The following PDE8B variants were observed in gnomAD, a reference collection of about 807,000 sequenced individuals.
The protein encoded by PDE8B is high affinity cAMP-specific and IBMX-insensitive 3',5'-cyclic phosphodiesterase 8B.
PDE8B carries 26 observed loss-of-function variants against 101.3 expected under a neutral mutation model. The observed-to-expected ratio is 0.26, with a 90% CI of 0.19 to 0.36. The LOEUF (loss-of-function observed/expected upper bound fraction) is 0.36, where lower values mean the gene tolerates loss of function less well. Ranked by LOEUF, PDE8B falls within the 10% of genes least tolerant of loss-of-function variation. The pLI is 1.00. For missense variants in PDE8B, 810 were observed against 1,163.1 expected (o/e 0.70, Z 4.42); for synonymous variants, 424 against 429.3 (o/e 0.99, Z 0.15).
At chr5:77,335,395 T>A (rs964409015) in intron 5 of PDE8B, among the ~76,000 whole-genome samples, 2 of 152,170 alleles carry the variant, frequency 1.3e-5, no homozygotes, top group Admixed American at 1.3e-4. Flanking sequence ...CTTATGTGTA[T>A]GTTTATGGCT....
intron 1 of PDE8B, among the ~76,000 whole-genome samples, chr5:77,251,737 T>A (rs1388122287): frequency 2.0e-5 from 3 of 152,210 alleles, no homozygotes; most frequent in African/African-American, 7.2e-5. Flanking sequence ...CCAGATAGTT[T>A]TCTGATATTT....
At chr5:77,092,890 C>T in the PDE8B span, among the ~76,000 whole-genome samples, 4 of 152,306 alleles carry the variant, frequency 2.6e-5, no homozygotes, top group Admixed American at 6.5e-5. Context: ...CACCAATACA[C>T]TCCAGCCTGG....
chr5:77,231,913 C>T (rs1753659897), intron 1 of PDE8B, among the ~76,000 whole-genome samples: 1 of 152,236 alleles, frequency 6.6e-6, no homozygotes, highest in South Asian at 2.1e-4. Flanking sequence ...TCTCATCCTG[C>T]AGTGCCCTGC....
the PDE8B span, among the ~76,000 whole-genome samples, chr5:77,091,059 T>A: frequency 2.6e-5 from 4 of 152,238 alleles, no homozygotes; most frequent in Non-Finnish European, 5.9e-5. Context: ...CCCATTTCTC[T>A]AATCTTCACC....
At chr5:77,361,194 C>G (rs1219666881) in intron 10 of PDE8B, among the ~76,000 whole-genome samples, 3 of 152,214 alleles carry the variant, frequency 2.0e-5, no homozygotes, top group African/African-American at 7.2e-5. Context: ...ACTCCACATT[C>G]AGTGACATCA....
chr5:77,401,546 T>A (rs573994085), intron 11 of PDE8B, among the ~76,000 whole-genome samples: 3 of 152,342 alleles, frequency 2.0e-5, no homozygotes, highest in South Asian at 4.1e-4. Context: ...AAATTTCTTA[T>A]CAGTAAAATG....
chr5:77,147,705 G>A, the PDE8B span: 1 of 152,068 alleles, frequency 6.6e-6, no homozygotes, highest in African/African-American at 2.4e-5. Context: ...TGTGAAGAGG[G>A]CCATATAGCA....
chr5:77,340,600 A>AGTGT (rs34764404), intron 6 of PDE8B, among the ~76,000 whole-genome samples: 3,807 of 140,092 alleles, frequency 0.027, 65 homozygotes, highest in Admixed American at 0.034. Flanking sequence ...GCAGCCTCAC[A>AGTGT]GTGTGTGTGT....
At chr5:77,088,190 TGCAGACGGACG>T in the PDE8B span, 1 of 152,246 alleles carries the variant, frequency 6.6e-6, no homozygotes, top group Non-Finnish European at 1.5e-5. Flanking sequence ...AGGTGGAGCA[TGCAGACGGACG>T]GGTGCAGGAG....
the PDE8B span, among the ~76,000 whole-genome samples, chr5:77,184,911 G>A: frequency 2.6e-5 from 4 of 152,136 alleles, no homozygotes; most frequent in Admixed American, 6.5e-5. Context: ...GTCCAAAGCA[G>A]GTTAGCAGAG....
chr5:77,400,364 GA>G, intron 11 of PDE8B, 74 bp downstream of exon 11: 2 of 990,380 alleles, frequency 2.0e-6, no homozygotes, highest in East Asian at 4.8e-5. Flanking sequence ...TTTCTCTGAA[GA>G]AGTCTAAGTT....
the PDE8B span, chr5:77,104,793 T>G: frequency 6.6e-6 from 1 of 152,064 alleles, no homozygotes; most frequent in African/African-American, 2.4e-5. Flanking sequence ...TTTGAGTGAA[T>G]CTTTTTGCAA....
chr5:77,367,454 T>C (rs918285396), intron 10 of PDE8B, among the ~76,000 whole-genome samples: 1 of 152,074 alleles, frequency 6.6e-6, no homozygotes, highest in African/African-American at 2.4e-5. Context: ...TTCCAGCTAG[T>C]CTTCCTGGTG....
At chr5:77,309,943 C>CTTTTTTTTTT (rs955296324) in intron 1 of PDE8B, among the ~76,000 whole-genome samples, 42 of 114,134 alleles carry the variant, frequency 3.7e-4, no homozygotes, top group African/African-American at 8.6e-4. Flanking sequence ...AATCATTAAT[C>CTTTTTTTTTT]TTTTTTTTTT....
chr5:77,268,924 A>G (rs1258303948), intron 1 of PDE8B, among the ~76,000 whole-genome samples: 3 of 151,528 alleles, frequency 2.0e-5, no homozygotes, highest in African/African-American at 7.3e-5. Context: ...ATAGTGCTAT[A>G]ATAAACATGG....
rs1238250890 is a variant in PDE8B, at chr5:77,345,574, A to T, written c.876+643A>T. 2.6e-5 allele frequency among the ~76,000 whole-genome samples: 4 copies of T among 152,244 alleles called. No homozygotes were observed. The East Asian group carries it at 7.7e-4, about 29-fold the overall frequency. On this transcript the variant is annotated intron_variant, in intron 7 of 21. Transcript: ENST00000264917. ...TAGGGAACAGAGTATTTTCAAAGACATTCATTTGTTTACCTGCAGTGGGTA... is the reference window on the plus strand; with the variant it reads ...TAGGGAACAGAGTATTTTCAAAGACTTTCATTTGTTTACCTGCAGTGGGTA...
the PDE8B span, chr5:77,114,442 A>G: frequency 1.3e-5 from 2 of 152,166 alleles, no homozygotes; most frequent in African/African-American, 2.4e-5. Context: ...GTTCTCACTC[A>G]TAGGTGGGAG....
the PDE8B span, among the ~76,000 whole-genome samples, chr5:77,199,479 A>C: frequency 1.3e-5 from 2 of 152,190 alleles, no homozygotes; most frequent in African/African-American, 2.4e-5. Flanking sequence ...GTTGAGGTTT[A>C]TTTCTTTTCT....
chr5:77,247,263 G>A (rs1020184927), intron 1 of PDE8B, among the ~76,000 whole-genome samples: 1 of 152,110 alleles, frequency 6.6e-6, no homozygotes, highest in African/African-American at 2.4e-5. Context: ...TCTCCTTATT[G>A]TTCTGGGCCA....
Sources: gnomAD v4.1 joint callset for allele counts (sites outside exome capture counted in the v4.1 genomes callset) on GRCh38, gnomAD v4.1.1 for gene constraint, MANE v1.5 for transcripts, NCBI Gene and HGNC (gene_info 2026-07-23, HGNC 2026-07-21) for gene names.